HTR4: variants seen among roughly 807,000 people sequenced by gnomAD.
HTR4 encodes 5-hydroxytryptamine (serotonin) receptor 4, G protein-coupled.
Under a neutral mutation model 36.8 loss-of-function variants are expected in HTR4, and 16 were observed. The observed-to-expected ratio is 0.43, with a 90% CI of 0.29 to 0.66. HTR4 has a LOEUF of 0.66. HTR4 is among the 30% of genes least tolerant of loss of function. The probability of loss-of-function intolerance (pLI) is 0.13; values close to 1 mark genes in which losing one functional copy is unlikely to be tolerated. For missense variants in HTR4, 438 were observed against 490.9 expected (o/e 0.89, Z 1.02); for synonymous variants, 189 against 185.1 (o/e 1.02, Z -0.17).
At chr5:148,535,317 G>A (rs559256507) in intron 4 of HTR4, among the ~76,000 whole-genome samples, 8 of 152,298 alleles carry the variant, frequency 5.3e-5, no homozygotes, top group African/African-American at 1.7e-4. Context: ...TAATTCAAAT[G>A]ACCAGAGCAT....
At chr5:148,622,187 A>C (rs981037848) in intron 2 of HTR4, among the ~76,000 whole-genome samples, 6 of 152,216 alleles carry the variant, frequency 3.9e-5, no homozygotes, top group African/African-American at 1.4e-4. Flanking sequence ...TTCTGTAAGT[A>C]AACTAAGCAT....
chr5:148,612,200 T>G (rs1752463536), intron 2 of HTR4, among the ~76,000 whole-genome samples: 1 of 152,056 alleles, frequency 6.6e-6, no homozygotes, highest in Non-Finnish European at 1.5e-5. Flanking sequence ...TACAGAACTC[T>G]CCACCACAAA....
intron 6 of HTR4, among the ~76,000 whole-genome samples, chr5:148,507,777 C>T (rs1757297099): frequency 6.6e-6 from 1 of 152,122 alleles, no homozygotes; most frequent in Admixed American, 6.5e-5. Flanking sequence ...CCATCAACTG[C>T]TAAACAACTG....
At chr5:148,610,959 A>T (rs1306535163) in intron 2 of HTR4, among the ~76,000 whole-genome samples, 1 of 151,158 alleles carries the variant, frequency 6.6e-6, no homozygotes, top group South Asian at 2.1e-4. Flanking sequence ...AAATGAAGCA[A>T]GAAGGAAAGT....
chr5:148,650,139 G>C (rs1360238286), intron 1 of HTR4, among the ~76,000 whole-genome samples: 1 of 151,914 alleles, frequency 6.6e-6, no homozygotes, highest in Admixed American at 6.6e-5. Flanking sequence ...TGTAAAATGG[G>C]GTATTCATCC....
At chr5:148,535,429 T>G (rs1466885963) in intron 4 of HTR4, among the ~76,000 whole-genome samples, 1 of 152,098 alleles carries the variant, frequency 6.6e-6, no homozygotes, top group Admixed American at 6.5e-5. Flanking sequence ...TGAATAGGAA[T>G]GAAGAGTATC....
rs142927745 is a variant in HTR4, at chr5:148,466,577, A to C, written c.1077-15305T>G. On this transcript the variant is annotated intron_variant, in intron 5 of 5. Transcript: ENST00000521530. ...AATGGTGGCTGAGAGTTAAATGTCC[A>C]GAATTCTAATCCCAGCTCCATTACT... 4.2e-3 allele frequency among the ~76,000 whole-genome samples: 639 copies of C among 152,244 alleles called. 7 individuals carry two copies. The highest frequency in any genetic ancestry group is 0.015 in the African/African-American group (607 of 41,494).
At chr5:148,527,100 A>G (rs932421687) in intron 4 of HTR4, among the ~76,000 whole-genome samples, 2 of 152,206 alleles carry the variant, frequency 1.3e-5, no homozygotes, top group Non-Finnish European at 2.9e-5. Context: ...TGATTTGATC[A>G]CTACACATTG....
chr5:148,550,114 A>C, intron 3 of HTR4, 23 bp downstream of exon 3: 1 of 1,613,608 alleles, frequency 6.2e-7, no homozygotes, highest in Non-Finnish European at 8.5e-7. Flanking sequence ...TGTTTCCTCA[A>C]AAGGTTCCCT....
At chr5:148,486,927 TCC>T (rs1756186196) in intron 6 of HTR4, among the ~76,000 whole-genome samples, 1 of 152,212 alleles carries the variant, frequency 6.6e-6, no homozygotes, top group Non-Finnish European at 1.5e-5. Context: ...CAACTGTCTC[TCC>T]TCAAACATAT....
rs538229568 is a variant in HTR4 at position 148,483,656 on chromosome 5, T to C, written c.1077-363A>G. On this transcript the variant is annotated intron_variant, in intron 6 of 6. Transcript: ENST00000377888. ...TAATAGTTCATTATATATTATAGTT[T>C]CCAGATTATTCCCCATAATGGGCAC... 2.0e-5 allele frequency among the ~76,000 whole-genome samples: 3 copies of C among 152,330 alleles called. No homozygotes were observed. The South Asian group carries it at 6.2e-4, about 32-fold the overall frequency.
intron 5 of HTR4, among the ~76,000 whole-genome samples, chr5:148,457,168 A>G (rs1336674613): frequency 1.3e-5 from 2 of 151,854 alleles, no homozygotes; most frequent in African/African-American, 4.8e-5. Flanking sequence ...CAGAGTGGCA[A>G]AAGTCTCCCT....
At chr5:148,460,396 A>G (rs1186515117) in intron 5 of HTR4, among the ~76,000 whole-genome samples, 2 of 152,184 alleles carry the variant, frequency 1.3e-5, no homozygotes, top group South Asian at 2.1e-4. Context: ...ACAAAAAGCC[A>G]GAGTGGAAAA....
chr5:148,584,550 A>T lies in HTR4; in HGVS notation c.27-34288T>A, dbSNP rs1231896500. Among the ~76,000 whole-genome samples, 7 of 152,310 alleles carry T rather than the reference A, an allele frequency of 4.6e-5. No individual in the cohort carries two copies. The East Asian group carries it at 1.3e-3, about 29-fold the overall frequency. ...GCAATCAGACATTCTGTAACAATTCAATGGCCAGGCTGTCCTATTAGGTAC... is the reference window on the plus strand; with the variant it reads ...GCAATCAGACATTCTGTAACAATTCTATGGCCAGGCTGTCCTATTAGGTAC... On this transcript the variant is annotated intron_variant, in intron 2 of 6. Transcript: ENST00000377888.
At chr5:148,455,069 G>A (rs1755066817) in intron 5 of HTR4, among the ~76,000 whole-genome samples, 1 of 152,176 alleles carries the variant, frequency 6.6e-6, no homozygotes, top group African/African-American at 2.4e-5. Context: ...ATTAGGATGT[G>A]TGCCAGGTAC....
exon 6 of HTR4, chr5:148,451,178 T>A: frequency 6.2e-7 from 1 of 1,613,748 alleles, no homozygotes; most frequent in African/African-American, 1.3e-5. Flanking sequence ...GTGAGCCATG[T>A]CCTCAATCAG....
chr5:148,654,493 G>C lies in HTR4; in HGVS notation c.-479C>G. 4.1e-6 allele frequency: 4 copies of C among 985,588 alleles called. No individual in the cohort carries two copies. The highest frequency in any genetic ancestry group is 4.8e-6 in the Non-Finnish European group (4 of 830,040). The allele number at this position is 985,588 out of a possible 1,614,324, so 61.1% of individuals were successfully genotyped here. On this transcript the variant is annotated 5_prime_UTR_variant, in exon 1 of 7. Coordinates refer to ENST00000377888, the MANE Select transcript of HTR4 (RefSeq NM_000870.7). ...GATCTCACCCGTTCCGGGCTGGCCA[G>C]CACGCGCCCTCCCTGGCCGGAGCGC...
chr5:148,459,897 A>G (rs1296266861), intron 5 of HTR4, among the ~76,000 whole-genome samples: 1 of 152,174 alleles, frequency 6.6e-6, no homozygotes, highest in East Asian at 1.9e-4. Flanking sequence ...CTAATGGAAA[A>G]AGTAGATGAC....
intron 2 of HTR4, among the ~76,000 whole-genome samples, chr5:148,584,501 A>T (rs1323909158): frequency 6.6e-6 from 1 of 152,336 alleles, no homozygotes; most frequent in East Asian, 1.9e-4. Flanking sequence ...AAAATAGCTC[A>T]TTATAACTTA....
Sources: gnomAD v4.1 joint callset for allele counts (sites outside exome capture counted in the v4.1 genomes callset) on GRCh38, gnomAD v4.1.1 for gene constraint, MANE v1.5 for transcripts, NCBI Gene and HGNC (gene_info 2026-07-23, HGNC 2026-07-21) for gene names.